The following ATP9B variants were observed in gnomAD, a reference collection of about 807,000 sequenced individuals.
ATP9B encodes ATPase phospholipid transporting 9B.
In ATP9B, 110 loss-of-function variants were observed where a neutral mutation model predicts 146.1. The observed-to-expected ratio is 0.75, with a 90% confidence interval of 0.65 to 0.88. The LOEUF (loss-of-function observed/expected upper bound fraction) is 0.88. ATP9B is among the 40% of genes least tolerant of loss of function. The probability of loss-of-function intolerance (pLI) is 0.00; values close to 1 mark genes in which losing one functional copy is unlikely to be tolerated. For synonymous variants in ATP9B, 604 were observed against 569.7 expected (o/e 1.06, Z -0.86); for missense variants, 1,499 against 1,496.4 (o/e 1.00, Z -0.03).
chr18:79,206,046 T>C (rs571557361), intron 9 of ATP9B, among the ~76,000 whole-genome samples: 1 of 152,132 alleles, frequency 6.6e-6, no homozygotes, highest in East Asian at 1.9e-4. Context: ...GTTCACGCCA[T>C]TCTCCTGCCT....
chr18:79,374,772 A>C (rs933338262), intron 28 of ATP9B, among the ~76,000 whole-genome samples: 16 of 152,196 alleles, frequency 1.1e-4, no homozygotes, highest in African/African-American at 3.9e-4. Context: ...AGAAATGGTT[A>C]TTTTCAAGTT....
chr18:79,349,779 CT>C (rs1392076749), intron 25 of ATP9B, among the ~76,000 whole-genome samples: 2 of 152,118 alleles, frequency 1.3e-5, no homozygotes, highest in African/African-American at 4.8e-5. Context: ...CTCTGCCTTC[CT>C]TCCGTCTCCA....
rs537221242 is a variant in ATP9B at position 79,239,714 on chromosome 18, C to A, written c.1108-13667C>A. On this transcript the variant is annotated intron_variant, in intron 11 of 29. Coordinates refer to ENST00000426216, the MANE Select transcript of ATP9B (RefSeq NM_198531.5). The surrounding 1 kb of genome is among the most constrained non-coding windows in gnomAD (Gnocchi z 5.1). ...GCAGTTTCTTTTATCATGTAAATTT[C>A]TTTCATGTAAGTTACATGATAGTCC... Among the ~76,000 whole-genome samples the A allele has an allele frequency of 3.3e-5, 5 of 152,322 alleles. No individual in the cohort carries two copies. The highest frequency in any genetic ancestry group is 1.9e-4 in the East Asian group (1 of 5,188).
intron 1 of ATP9B, among the ~76,000 whole-genome samples, 195 bp from the exon 2 acceptor site, chr18:79,096,281 A>G (rs945478022): frequency 6.6e-6 from 1 of 151,950 alleles, no homozygotes; most frequent in Non-Finnish European, 1.5e-5. Flanking sequence ...TTCAGCTAGC[A>G]CAGGTCTCGT....
chr18:79,359,835 A>G (rs1285360320), intron 26 of ATP9B: 1 of 241,726 alleles, frequency 4.1e-6, no homozygotes, highest in Non-Finnish European at 8.5e-6. Context: ...GGACAGCGTC[A>G]CTGCACCTGC....
At chr18:79,176,368 G>A (rs1359253291) in intron 7 of ATP9B, among the ~76,000 whole-genome samples, 3 of 152,320 alleles carry the variant, frequency 2.0e-5, no homozygotes, top group South Asian at 2.1e-4. Flanking sequence ...TCTTAGCATT[G>A]TAGCTGTGCT....
At chr18:79,133,445 C>T (rs2094407023) in intron 5 of ATP9B, among the ~76,000 whole-genome samples, 1 of 151,880 alleles carries the variant, frequency 6.6e-6, no homozygotes, top group African/African-American at 2.4e-5. Context: ...ATTATTAGTT[C>T]TCTGTGGCTG....
chr18:79,323,538 A>G (rs561458543), intron 15 of ATP9B, among the ~76,000 whole-genome samples: 19 of 152,234 alleles, frequency 1.2e-4, no homozygotes, highest in African/African-American at 3.1e-4. Flanking sequence ...TAGCTCCCAC[A>G]TAAGAATGAG....
At chr18:79,340,118 C>T (rs1301537345) in intron 19 of ATP9B, 1 of 152,140 alleles carries the variant, frequency 6.6e-6, no homozygotes, top group Non-Finnish European at 1.5e-5. Context: ...GAGCATATGA[C>T]CCCTGCATTT....
intron 7 of ATP9B, among the ~76,000 whole-genome samples, chr18:79,174,014 T>C (rs1041322179): frequency 1.1e-4 from 17 of 152,214 alleles, no homozygotes; most frequent in Admixed American, 6.5e-4. Flanking sequence ...CTGTCCTTTC[T>C]TGATACCCGA....
At chr18:79,270,349 T>C (rs1319238139) in intron 12 of ATP9B, among the ~76,000 whole-genome samples, 1 of 152,130 alleles carries the variant, frequency 6.6e-6, no homozygotes, top group Non-Finnish European at 1.5e-5. Context: ...GTGTATATGT[T>C]TGTACTGCTA....
chr18:79,176,930 C>T, intron 8 of ATP9B, 23 bp downstream of exon 8: 3 of 1,595,530 alleles, frequency 1.9e-6, no homozygotes, highest in Non-Finnish European at 2.6e-6. Context: ...AAGACTACTC[C>T]ATCCTTTTAT....
intron 25 of ATP9B, 150 bp from the exon 26 acceptor site, chr18:79,359,204 A>G (rs765514238): frequency 3.0e-5 from 18 of 596,416 alleles, no homozygotes; most frequent in Admixed American, 1.1e-4. Context: ...AGTCTCCGCA[A>G]TCATCTTACT....
rs56119715 is a variant in ATP9B, at chr18:79,071,399, C to CT, written c.119+1884dup. On this transcript the variant is annotated intron_variant, in intron 1 of 29. Coordinates refer to ENST00000426216, the MANE Select transcript of ATP9B (RefSeq NM_198531.5). Reference sequence around the variant, plus strand: ...ATTTCCCCTTTTTCTATTGTTCTTCCTTTTTTTTTTTTTTGAGACAGGGTC... The same window carrying CT: ...ATTTCCCCTTTTTCTATTGTTCTTCCTTTTTTTTTTTTTTTGAGACAGGGTC... Among the ~76,000 whole-genome samples the CT allele has an allele frequency of 1.6e-4, 11 of 69,282 alleles. 2 individuals are homozygous for CT. The highest frequency in any genetic ancestry group is 1.1e-3 in the Admixed American group (4 of 3,634). 45.5% of individuals were successfully genotyped at this position (69,282 alleles called of 152,430 possible).
intron 5 of ATP9B, among the ~76,000 whole-genome samples, chr18:79,134,052 C>T (rs1383454670): frequency 6.6e-6 from 1 of 152,204 alleles, no homozygotes; most frequent in Admixed American, 6.5e-5. Context: ...GGCTTAGAAC[C>T]CTTGAGTCGC....
intron 15 of ATP9B, among the ~76,000 whole-genome samples, chr18:79,319,730 TC>T (rs2096704821): frequency 6.6e-6 from 1 of 152,244 alleles, no homozygotes; most frequent in Non-Finnish European, 1.5e-5. Flanking sequence ...AGTTTCTAGT[TC>T]CTCGGGATTA....
intron 8 of ATP9B, among the ~76,000 whole-genome samples, chr18:79,177,484 C>T (rs2095191334): frequency 6.6e-6 from 1 of 151,736 alleles, no homozygotes; most frequent in Non-Finnish European, 1.5e-5. Flanking sequence ...CTCAAGCAGT[C>T]CTCTCTCCTT....
In ATP9B at chr18:79,193,184, A is replaced by T. The variant is rs779263778; in HGVS notation, c.875A>T (p.Asp292Val). 6.3e-7 allele frequency: 1 copy of T among 1,596,694 alleles called. No homozygotes were observed. The highest frequency in any genetic ancestry group is 1.7e-5 in the Admixed American group (1 of 59,434). ...CGATTCAAATGTTCTGTATTCCAGG[A>T]CCTTTTTTCTATCAGTGCTTATGTT... ...SCTQQLPALG[D>V]LFSISAYVYA... is the part of the protein sequence containing the mutation. Residue 292 changes from aspartate to valine, a missense_variant and splice_region_variant, in exon 9 of 30, where the codon GAC becomes GTC. Coordinates refer to ENST00000426216, the MANE Select transcript of ATP9B (RefSeq NM_198531.5).
intron 8 of ATP9B, among the ~76,000 whole-genome samples, chr18:79,177,402 GTTC>G (rs888567921): frequency 1.3e-5 from 2 of 151,786 alleles, no homozygotes; most frequent in African/African-American, 4.8e-5. Flanking sequence ...CGCCCAGCCA[GTTC>G]TTAATTTTTT....
Sources: allele counts gnomAD v4.1 joint callset (sites outside exome capture counted in the v4.1 genomes callset), GRCh38; gene constraint gnomAD v4.1.1; non-coding constraint Gnocchi (gnomAD v3.1); transcripts MANE v1.5; gene names NCBI Gene and HGNC (gene_info 2026-07-23, HGNC 2026-07-21).